Variants in GPC6 observed in about 807,000 individuals in gnomAD.
The protein encoded by GPC6 is glypican-6.
GPC6 carries 14 observed loss-of-function variants against 55.2 expected under a neutral mutation model. That is an observed-to-expected ratio of 0.25 (90% CI 0.17 to 0.40). The LOEUF is 0.40. Ranked by LOEUF, GPC6 falls within the 10% of genes least tolerant of loss-of-function variation. The pLI is 1.00. For synonymous variants in GPC6, 278 were observed against 259.6 expected (o/e 1.07, Z -0.68); for missense variants, 641 against 708.5 (o/e 0.90, Z 1.08).
chr13:93,229,502 G>A (rs1224187895), intron 1 of GPC6, among the ~76,000 whole-genome samples: 2 of 152,128 alleles, frequency 1.3e-5, no homozygotes, highest in African/African-American at 4.8e-5. Context: ...TCAGCATCAG[G>A]CACATCTCTT....
chr13:93,789,606 T>TATAATACTACATATATATATAATACTAC (rs1298074767), intron 2 of GPC6, among the ~76,000 whole-genome samples: 1,136 of 17,256 alleles, frequency 0.066, 12 homozygotes, highest in Non-Finnish European at 0.084. Flanking sequence ...TACATATATA[T>TATAATACTACATATATATATAATACTAC]ATATATATAT....
At chr13:94,068,369 G>A (rs1180785261) in intron 4 of GPC6, among the ~76,000 whole-genome samples, 1 of 152,170 alleles carries the variant, frequency 6.6e-6, no homozygotes, top group African/African-American at 2.4e-5. Context: ...CCCATGACAT[G>A]TGGAAAATGT....
intron 3 of GPC6, among the ~76,000 whole-genome samples, chr13:94,002,607 C>T (rs747124159): frequency 6.6e-6 from 1 of 152,046 alleles, no homozygotes; most frequent in South Asian, 2.1e-4. Context: ...AAGGGAATTA[C>T]AGCATTAAAT....
chr13:93,289,568 A>T (rs1878252766), intron 1 of GPC6, among the ~76,000 whole-genome samples: 1 of 152,210 alleles, frequency 6.6e-6, no homozygotes. Flanking sequence ...TACTAACATA[A>T]ATATATGTAT....
chr13:93,804,148 T>G (rs1365435621), intron 2 of GPC6, among the ~76,000 whole-genome samples: 1 of 152,142 alleles, frequency 6.6e-6, no homozygotes, highest in Non-Finnish European at 1.5e-5. Context: ...TAGATAGATA[T>G]AGGTTAATTT....
chr13:93,469,563 T>C (rs1327819858), intron 1 of GPC6, among the ~76,000 whole-genome samples: 1 of 152,158 alleles, frequency 6.6e-6, no homozygotes, highest in Non-Finnish European at 1.5e-5. Context: ...ATGATAGGAA[T>C]ATGAATGAAA....
intron 6 of GPC6, among the ~76,000 whole-genome samples, chr13:94,334,886 T>C (rs1279352317): frequency 1.3e-5 from 2 of 152,212 alleles, no homozygotes; most frequent in Non-Finnish European, 2.9e-5. Flanking sequence ...GTAATATTAA[T>C]AGTTATACCT....
intron 1 of GPC6, among the ~76,000 whole-genome samples, chr13:93,463,743 C>A (rs897819263): frequency 3.8e-5 from 5 of 130,822 alleles, no homozygotes; most frequent in African/African-American, 1.3e-4. Context: ...TAAATGGCTC[C>A]ACTTTTTTTT....
chr13:93,433,758 G>A (rs1014862637), intron 1 of GPC6, among the ~76,000 whole-genome samples: 2 of 152,114 alleles, frequency 1.3e-5, no homozygotes, highest in African/African-American at 2.4e-5. Context: ...GGTTTTCCAG[G>A]GGTTGGTGGA....
chr13:93,393,264 A>C (rs4773744), intron 1 of GPC6, among the ~76,000 whole-genome samples: 22,469 of 150,830 alleles, frequency 0.15, 3,124 homozygotes, highest in East Asian at 0.77. Context: ...CCAGCCTCCT[A>C]AGTAGTTGGA....
intron 1 of GPC6, among the ~76,000 whole-genome samples, chr13:93,260,581 A>G (rs995529242): frequency 7.2e-5 from 11 of 152,130 alleles, no homozygotes; most frequent in African/African-American, 2.7e-4. Context: ...TTATAATATT[A>G]TTGATCAGTA....
At chr13:93,274,688 T>C (rs180875476) in intron 1 of GPC6, among the ~76,000 whole-genome samples, 62 of 152,304 alleles carry the variant, frequency 4.1e-4, no homozygotes, top group African/African-American at 1.5e-3. Flanking sequence ...TAGGATTTTC[T>C]CCCTTAGAAG....
chr13:94,144,058 C>T (rs1345058025), intron 4 of GPC6, among the ~76,000 whole-genome samples: 1 of 152,126 alleles, frequency 6.6e-6, no homozygotes, highest in Non-Finnish European at 1.5e-5. Context: ...GAAAAGAAGA[C>T]GTTTCCTGAA....
chr13:94,052,227 G>C (rs1289120049), intron 4 of GPC6, among the ~76,000 whole-genome samples: 1 of 152,174 alleles, frequency 6.6e-6, no homozygotes, highest in Non-Finnish European at 1.5e-5. Context: ...TATTTGAACT[G>C]GGTCTTAAAA....
At chr13:94,041,319 T>C (rs563312180) in intron 4 of GPC6, among the ~76,000 whole-genome samples, 2 of 151,994 alleles carry the variant, frequency 1.3e-5, no homozygotes, top group South Asian at 4.1e-4. Flanking sequence ...TGGAAGTGTC[T>C]GTGATCCTTC....
intron 4 of GPC6, among the ~76,000 whole-genome samples, chr13:94,081,696 A>T (rs1885100276): frequency 6.6e-6 from 1 of 152,298 alleles, no homozygotes; most frequent in South Asian, 2.1e-4. Flanking sequence ...GGAATTACTC[A>T]GGTTGCAAAG....
At chr13:94,048,849 G>T (rs1366234155) in intron 4 of GPC6, among the ~76,000 whole-genome samples, 1 of 151,994 alleles carries the variant, frequency 6.6e-6, no homozygotes, top group Non-Finnish European at 1.5e-5. Flanking sequence ...CCCTGGAACG[G>T]TACAGCTTCT....
intron 1 of GPC6, among the ~76,000 whole-genome samples, chr13:93,371,060 C>G (rs1874622236): frequency 1.3e-5 from 2 of 152,062 alleles, no homozygotes; most frequent in South Asian, 4.1e-4. Flanking sequence ...TGTTGACAAA[C>G]ATAGTCCACA....
At chr13:93,812,894 G>C (rs1335211948) in intron 2 of GPC6, among the ~76,000 whole-genome samples, 1 of 152,098 alleles carries the variant, frequency 6.6e-6, no homozygotes, top group African/African-American at 2.4e-5. Flanking sequence ...AAGAGTACTG[G>C]TATATGCCTG....
Sources: allele counts gnomAD v4.1 joint callset (sites outside exome capture counted in the v4.1 genomes callset), GRCh38; gene constraint gnomAD v4.1.1; transcripts MANE v1.5; gene names NCBI Gene and HGNC (gene_info 2026-07-23, HGNC 2026-07-21).